Variants in CLSTN2 observed in about 807,000 individuals in gnomAD.
CLSTN2 encodes the protein calsyntenin 2.
CLSTN2 carries 48 observed loss-of-function variants against 101.2 expected under a neutral mutation model. That is an observed-to-expected ratio of 0.47 (90% CI 0.38 to 0.60). CLSTN2 has a LOEUF of 0.60. CLSTN2 is among the 20% of genes least tolerant of loss of function. CLSTN2 has a pLI of 0.00. For synonymous variants in CLSTN2, 481 were observed against 463.6 expected (o/e 1.04, Z -0.48); for missense variants, 1,160 against 1,238.2 (o/e 0.94, Z 0.95).
chr3:139,979,358 A>G (rs1260790506), intron 1 of CLSTN2, among the ~76,000 whole-genome samples: 1 of 152,144 alleles, frequency 6.6e-6, no homozygotes, highest in Non-Finnish European at 1.5e-5. Context: ...TTCATTATTT[A>G]AATATTTCCT....
intron 1 of CLSTN2, among the ~76,000 whole-genome samples, chr3:140,007,087 A>T (rs1030896740): frequency 2.7e-5 from 4 of 148,868 alleles, no homozygotes; most frequent in South Asian, 2.2e-4. Flanking sequence ...ATAACTACAC[A>T]TTCATGCCTA....
rs2010761024 is a variant in CLSTN2, at chr3:140,204,944, C to CTA, written c.232+28873_232+28874dup. Among the ~76,000 whole-genome samples, 5 of 152,162 alleles carry CTA rather than the reference C, an allele frequency of 3.3e-5. No individual in the cohort carries two copies. The South Asian group carries it at 1.0e-3, about 32-fold the overall frequency. The stretch of plus-strand genomic sequence containing the variant: ...CAGTACATTGATGGGCCTCATGACA[C>CTA]TATTGACTTGCTAATGATTCTTGAG... On this transcript the variant is annotated intron_variant, in intron 2 of 16. Transcript: ENST00000458420.
intron 5 of CLSTN2, among the ~76,000 whole-genome samples, chr3:140,422,487 G>T (rs1161586078): frequency 6.6e-6 from 1 of 152,132 alleles, no homozygotes; most frequent in African/African-American, 2.4e-5. Context: ...TGCACAACTT[G>T]ATCTCCCTAA....
intron 1 of CLSTN2, among the ~76,000 whole-genome samples, chr3:140,146,285 A>C (rs1256739397): frequency 6.6e-6 from 1 of 152,256 alleles, no homozygotes; most frequent in African/African-American, 2.4e-5. Context: ...ACAATAAGGG[A>C]GGAGGAATTT....
At chr3:140,092,812 C>T (rs1316060199) in intron 1 of CLSTN2, among the ~76,000 whole-genome samples, 1 of 152,180 alleles carries the variant, frequency 6.6e-6, no homozygotes, top group African/African-American at 2.4e-5. Context: ...CTGCAAGCTC[C>T]TCCACTCCTT....
chr3:140,019,816 A>G (rs2007271487), intron 1 of CLSTN2, among the ~76,000 whole-genome samples: 1 of 152,166 alleles, frequency 6.6e-6, no homozygotes, highest in African/African-American at 2.4e-5. Flanking sequence ...ACTTAGGCAA[A>G]ATAACCTTAA....
intron 6 of CLSTN2, among the ~76,000 whole-genome samples, chr3:140,449,160 G>T (rs916320128): frequency 6.6e-6 from 1 of 152,112 alleles, no homozygotes; most frequent in Non-Finnish European, 1.5e-5. Flanking sequence ...TAATTTGTGG[G>T]GCCCAGTGCA....
chr3:140,139,032 GT>G (rs981616355), intron 1 of CLSTN2, among the ~76,000 whole-genome samples: 1 of 152,198 alleles, frequency 6.6e-6, no homozygotes, highest in African/African-American at 2.4e-5. Flanking sequence ...CCTGGACTTT[GT>G]TTTTTATAAA....
chr3:140,053,835 A>G lies in CLSTN2; in HGVS notation c.109+118352A>G, dbSNP rs57425595. 2.4e-3 allele frequency among the ~76,000 whole-genome samples: 361 copies of G among 152,264 alleles called. 3 individuals carry two copies. The highest frequency in any genetic ancestry group is 8.4e-3 in the African/African-American group (350 of 41,558). On this transcript the variant is annotated intron_variant, in intron 1 of 16. Transcript: ENST00000458420. ...GGGGTTATTGTGGAGATGGAGTGAG[A>G]TGGGTGATGTGAAGTGATTGGCACA... is the stretch of plus-strand genomic sequence containing the variant.
At chr3:140,118,570 G>A (rs542682467) in intron 1 of CLSTN2, among the ~76,000 whole-genome samples, 2 of 139,788 alleles carry the variant, frequency 1.4e-5, no homozygotes, top group South Asian at 4.7e-4. Flanking sequence ...GTCAGTGGGT[G>A]CAATCTGGAG....
chr3:140,267,613 G>A (rs753168860), intron 2 of CLSTN2, among the ~76,000 whole-genome samples: 19 of 152,180 alleles, frequency 1.2e-4, no homozygotes, highest in African/African-American at 4.1e-4. Flanking sequence ...CTCAGAGACC[G>A]GGCTGTTTAA....
chr3:140,161,942 AT>A (rs2010053351), intron 1 of CLSTN2, among the ~76,000 whole-genome samples: 3 of 152,208 alleles, frequency 2.0e-5, no homozygotes, highest in African/African-American at 4.8e-5. Flanking sequence ...TAATTTACTT[AT>A]AATTAACAAT....
rs1474186244 is a variant in CLSTN2 at position 140,570,668 on chromosome 3, A to G, written c.*4415A>G. ...AACACTAAAAAAGCAGGCAGTTTGG[A>G]TTTATGTAATTTTCATATCTTTTTT... On this transcript the variant is annotated 3_prime_UTR_variant, in exon 17 of 17. Transcript: ENST00000458420. 6.6e-6 allele frequency: 1 copy of G among 152,090 alleles called. No individual in the cohort carries two copies. Among genetic ancestry groups the G allele is most frequent in the Non-Finnish European group, 1.5e-5 (1 of 68,028 alleles). 9.4% of individuals were successfully genotyped at this position (152,090 alleles called of 1,614,324 possible).
intron 1 of CLSTN2, among the ~76,000 whole-genome samples, chr3:140,156,662 G>A (rs931915902): frequency 2.6e-5 from 4 of 152,168 alleles, no homozygotes; most frequent in African/African-American, 9.7e-5. Context: ...CCTTCTCCTC[G>A]AAGAGGTGAG....
At chr3:140,302,619 T>G (rs987102345) in intron 2 of CLSTN2, among the ~76,000 whole-genome samples, 3 of 152,224 alleles carry the variant, frequency 2.0e-5, no homozygotes, top group Non-Finnish European at 2.9e-5. Context: ...GTGGCTAAAA[T>G]GTTTTCTGTG....
chr3:140,290,172 C>A (rs1005967755), intron 2 of CLSTN2, among the ~76,000 whole-genome samples: 1 of 151,896 alleles, frequency 6.6e-6, no homozygotes, highest in Non-Finnish European at 1.5e-5. Flanking sequence ...CTCAGAACAC[C>A]CATTTCGATG....
chr3:140,371,159 A>G (rs940897774), intron 2 of CLSTN2, among the ~76,000 whole-genome samples: 4 of 152,204 alleles, frequency 2.6e-5, no homozygotes, highest in African/African-American at 7.2e-5. Context: ...AGATAAAGGG[A>G]GCCAGGTGAG....
intron 9 of CLSTN2, among the ~76,000 whole-genome samples, chr3:140,537,604 T>C (rs1576617425): frequency 6.6e-6 from 1 of 152,150 alleles, no homozygotes; most frequent in South Asian, 2.1e-4. Flanking sequence ...GCAGACCCTC[T>C]CCCATGGCTG....
chr3:139,941,608 A>G (rs1255182241), intron 1 of CLSTN2, among the ~76,000 whole-genome samples: 6 of 152,178 alleles, frequency 3.9e-5, no homozygotes, highest in Admixed American at 3.9e-4. Context: ...GGAAAGGAAG[A>G]AGTTGGCAAC....
Sources: allele counts gnomAD v4.1 joint callset (sites outside exome capture counted in the v4.1 genomes callset), GRCh38; gene constraint gnomAD v4.1.1; transcripts MANE v1.5; gene names NCBI Gene and HGNC (gene_info 2026-07-23, HGNC 2026-07-21).